The following TAF12 variants were observed in gnomAD, a reference collection of about 807,000 sequenced individuals.
TAF12 encodes TATA-box binding protein associated factor 12, also known as transcription initiation factor TFIID subunit 12.
A neutral mutation model predicts 20.8 loss-of-function variants in TAF12; 3 were observed. That is an observed-to-expected ratio of 0.14 (90% CI 0.07 to 0.37). The LOEUF (loss-of-function observed/expected upper bound fraction) is 0.37. TAF12 is among the 10% of genes least tolerant of loss of function. TAF12 has a pLI of 1.00. For synonymous variants in TAF12, 69 were observed against 70.2 expected (o/e 0.98, Z 0.09); for missense variants, 131 against 197.9 (o/e 0.66, Z 2.03).
chr1:28,645,126 C>G (rs1668152168), upstream of TAF12, among the ~76,000 whole-genome samples: 1 of 151,874 alleles, frequency 6.6e-6, no homozygotes, highest in Non-Finnish European at 1.5e-5. Flanking sequence ...AGTTCCGCCT[C>G]CCAGGTTCAT....
intron 1 of TAF12, among the ~76,000 whole-genome samples, chr1:28,630,339 G>T (rs1330524987): frequency 6.6e-6 from 1 of 152,096 alleles, no homozygotes; most frequent in Admixed American, 6.6e-5. Flanking sequence ...GGCAGATCAT[G>T]AGGTCAGGAG....
In TAF12 at chr1:28,634,285, G is replaced by A. The variant is rs191174392; in HGVS notation, c.-85+8707C>T. On this transcript the variant is annotated intron_variant, in intron 1 of 5. Coordinates refer to ENST00000373824, the MANE Select transcript of TAF12 (RefSeq NM_005644.4). Reference sequence around the variant, plus strand: ...AAAAAAATTAGCCAGGCGTGGTGGCGCTTGCCTGTAATCTCAGCTATTTAG... The same window carrying A: ...AAAAAAATTAGCCAGGCGTGGTGGCACTTGCCTGTAATCTCAGCTATTTAG... Among the ~76,000 whole-genome samples, 831 of 151,634 alleles carry A rather than the reference G, an allele frequency of 5.5e-3. 2 individuals carry two copies. The highest frequency in any genetic ancestry group is 0.017 in the Middle Eastern group (5 of 294).
intron 1 of TAF12, chr1:28,642,564 G>C: frequency 1.1e-6 from 1 of 883,902 alleles, no homozygotes; most frequent in Non-Finnish European, 1.4e-6. Context: ...CTAAGTCTTC[G>C]CTGCCCCGTT....
chr1:28,622,258 A>C (rs988326567), intron 1 of TAF12, 93 bp from the exon 2 acceptor site: 1 of 1,274,558 alleles, frequency 7.8e-7, no homozygotes, highest in Non-Finnish European at 1.0e-6. Flanking sequence ...AATGGCTCAC[A>C]ACTGTAATCC....
At chr1:28,617,191 G>C (rs893888062) in intron 3 of TAF12, among the ~76,000 whole-genome samples, 7 of 152,134 alleles carry the variant, frequency 4.6e-5, no homozygotes, top group Admixed American at 2.6e-4. Flanking sequence ...TAGAAATATA[G>C]AAGAATGTTA....
At chr1:28,631,921 T>C (rs1187195756) in intron 1 of TAF12, among the ~76,000 whole-genome samples, 1 of 152,144 alleles carries the variant, frequency 6.6e-6, no homozygotes, top group Non-Finnish European at 1.5e-5. Flanking sequence ...TTGAAGACAG[T>C]TTGGTAGTTT....
chr1:28,634,104 A>C (rs946058919), intron 1 of TAF12, among the ~76,000 whole-genome samples: 4 of 152,042 alleles, frequency 2.6e-5, no homozygotes, highest in Admixed American at 1.3e-4. Flanking sequence ...AAAAATAAAT[A>C]AAAATCAAAA....
chr1:28,629,211 C>T (rs557527979), intron 1 of TAF12, among the ~76,000 whole-genome samples: 2 of 152,198 alleles, frequency 1.3e-5, no homozygotes, highest in African/African-American at 2.4e-5. Context: ...GGACCAAGAA[C>T]GTCTTATTTT....
intron 1 of TAF12, among the ~76,000 whole-genome samples, chr1:28,626,602 A>T (rs1667405336): frequency 6.7e-6 from 1 of 150,006 alleles, no homozygotes; most frequent in South Asian, 2.1e-4. Context: ...AAAAAAAAGC[A>T]AATAAATAAT....
intron 1 of TAF12, among the ~76,000 whole-genome samples, 175 bp from the exon 2 acceptor site, chr1:28,622,340 C>T (rs926500068): frequency 9.3e-5 from 12 of 129,390 alleles, no homozygotes; most frequent in South Asian, 4.8e-4. Context: ...GGCAACATAG[C>T]GAGACCTAGT....
chr1:28,616,463 T>C (rs1254616560), intron 3 of TAF12, among the ~76,000 whole-genome samples: 2 of 149,828 alleles, frequency 1.3e-5, no homozygotes, highest in Non-Finnish European at 3.0e-5. Context: ...GCAGGCGTGA[T>C]AGCTCATGCC....
At chr1:28,624,843 T>TA (rs1190653022) in intron 1 of TAF12, among the ~76,000 whole-genome samples, 2 of 152,172 alleles carry the variant, frequency 1.3e-5, no homozygotes, top group East Asian at 1.9e-4. Context: ...ATGTACTGGT[T>TA]AAAAAACCAA....
chr1:28,603,622 G>A (rs779396304), intron 5 of TAF12, 48 bp from the exon 6 acceptor site: 150 of 1,598,532 alleles, frequency 9.4e-5, no homozygotes, highest in East Asian at 2.2e-5. Flanking sequence ...GCTGGAGTCA[G>A]GAGCTTTCTG....
At chr1:28,635,177 C>T (rs1667775427) in intron 1 of TAF12, among the ~76,000 whole-genome samples, 1 of 148,166 alleles carries the variant, frequency 6.7e-6, no homozygotes, top group Non-Finnish European at 1.5e-5. Context: ...TTGCAGTGAG[C>T]CGAGATCGCG....
Position 28,642,075 on chromosome 1 carries a change from G to A in TAF12, c.-85+917C>T, listed in dbSNP as rs887055776. ...ATGCAGAGATCTGTGCTCATTCAGG[G>A]TTGAGTGGAATGGGATTTAAAGCAC... On this transcript the variant is annotated intron_variant, in intron 1 of 5. Coordinates refer to ENST00000373824, the MANE Select transcript of TAF12 (RefSeq NM_005644.4). 4.6e-5 allele frequency among the ~76,000 whole-genome samples: 7 copies of A among 152,118 alleles called. No homozygotes were observed. In the South Asian group the frequency reaches 8.3e-4, roughly 18 times the overall value.
chr1:28,603,093 G>T lies in TAF12; in HGVS notation c.*446C>A, dbSNP rs1666558094. ...CCCTCTGGGATTTCAAAGGTACCCTGTCTTTCGATTAATAACTTCTTTATT... is the reference window on the plus strand; with the variant it reads ...CCCTCTGGGATTTCAAAGGTACCCTTTCTTTCGATTAATAACTTCTTTATT... On this transcript the variant is annotated 3_prime_UTR_variant, in exon 6 of 6. Transcript: ENST00000373824. 6.6e-6 allele frequency: 1 copy of T among 150,582 alleles called. No homozygotes were observed. Among genetic ancestry groups the T allele is most frequent in the Admixed American group, 6.5e-5 (1 of 15,308 alleles). The allele number at this position is 150,582 out of a possible 1,614,324, so 9.3% of individuals were successfully genotyped here. A position where few individuals can be genotyped will look rare whatever the true frequency, so the allele number is the denominator to read the frequency against.
chr1:28,645,262 C>T (rs1303508338), upstream of TAF12, among the ~76,000 whole-genome samples: 1 of 151,224 alleles, frequency 6.6e-6, no homozygotes, highest in Non-Finnish European at 1.5e-5. Flanking sequence ...GTCTCGATCT[C>T]CTGACCTCGT....
Position 28,603,495 on chromosome 1 carries a change from T to TATC in TAF12, c.*41_*43dup, listed in dbSNP as rs1666570545. The stretch of plus-strand genomic sequence containing the variant: ...GAGATGGCTGAGTTCTCAGCTCAAG[T>TATC]ATCTCCAAATACATTGCTGTCCATT... On this transcript the variant is annotated 3_prime_UTR_variant, in exon 6 of 6. Transcript: ENST00000373824. 4 of 1,609,232 alleles carry TATC rather than the reference T, an allele frequency of 2.5e-6. No individual in the cohort carries two copies. Among genetic ancestry groups the TATC allele is most frequent in the Non-Finnish European group, 3.4e-6 (4 of 1,176,140 alleles).
chr1:28,632,053 T>C (rs939369862), intron 1 of TAF12, among the ~76,000 whole-genome samples: 1 of 152,182 alleles, frequency 6.6e-6, no homozygotes, highest in Non-Finnish European at 1.5e-5. Flanking sequence ...GCAACATCAT[T>C]CACAACTACC....
Sources: gnomAD v4.1 joint callset for allele counts (sites outside exome capture counted in the v4.1 genomes callset) on GRCh38, gnomAD v4.1.1 for gene constraint, MANE v1.5 for transcripts, NCBI Gene and HGNC (gene_info 2026-07-23, HGNC 2026-07-21) for gene names.